The following APC variants were observed in gnomAD, a reference collection of about 807,000 sequenced individuals.
APC encodes APC regulator of Wnt signaling pathway.
In APC, 72 loss-of-function variants were observed where a neutral mutation model predicts 247.0. The ratio of observed to expected loss-of-function variants is 0.29; its 90% CI spans 0.24 to 0.35. The LOEUF (loss-of-function observed/expected upper bound fraction) is 0.35, where lower values mean the gene tolerates loss of function less well. Among genes scored for constraint, APC ranks in the 10% least tolerant of loss-of-function variants. The probability of loss-of-function intolerance (pLI) is 1.00; values close to 1 mark genes in which losing one functional copy is unlikely to be tolerated. For synonymous variants in APC, 1,254 were observed against 1,162.5 expected (o/e 1.08, Z -1.60); for missense variants, 3,400 against 3,360.7 (o/e 1.01, Z -0.29).
chr5:112,828,634 G>A (rs1763975089), intron 13 of APC, among the ~76,000 whole-genome samples: 1 of 151,978 alleles, frequency 6.6e-6, no homozygotes, highest in South Asian at 2.1e-4. Context: ...AGTTTTCATA[G>A]AGACAGGGTC....
At chr5:112,764,558 T>A (rs1756052556) in intron 2 of APC, among the ~76,000 whole-genome samples, 1 of 152,144 alleles carries the variant, frequency 6.6e-6, no homozygotes, top group African/African-American at 2.4e-5. Context: ...TACAAAATGT[T>A]AGTTCAGTTC....
At position 112,833,927 on chromosome 5, in the gene APC, A is replaced by G. The variant is rs918397; in HGVS notation, c.1744-1024A>G. Among the ~76,000 whole-genome samples the G allele has an allele frequency of 0.1, 15,653 of 152,074 alleles. 1,511 individuals are homozygous for G. The highest frequency in any genetic ancestry group is 0.25 in the African/African-American group (10,367 of 41,436). On this transcript the variant is annotated intron_variant, in intron 14 of 15. Transcript: ENST00000257430. ...ACTTCCAAGATATCTTTCCATATCT[A>G]TGTATGGTTTACAGAATTTTAAAAA...
At chr5:112,795,149 C>A (rs1760069718) in intron 7 of APC, among the ~76,000 whole-genome samples, 1 of 152,316 alleles carries the variant, frequency 6.6e-6, no homozygotes, top group South Asian at 2.1e-4. Flanking sequence ...GCCTCAGCCT[C>A]CCTAGTAGCT....
chr5:112,717,896 C>CTTTTTTTTTTTTTTTTTT (rs1751260001), intron 1 of APC, among the ~76,000 whole-genome samples: 1 of 18,530 alleles, frequency 5.4e-5, no homozygotes, highest in Non-Finnish European at 1.3e-4. Context: ...TTTTCTTTTT[C>CTTTTTTTTTTTTTTTTTT]TTTTTCTTTT....
chr5:112,727,687 T>C (rs984425804), intron 1 of APC, among the ~76,000 whole-genome samples: 1 of 152,094 alleles, frequency 6.6e-6, no homozygotes, highest in East Asian at 1.9e-4. Context: ...AAAAAGACTT[T>C]AAAAAAATCA....
At chr5:112,707,832 A>G (rs2149631161) in exon 1 of APC, 1 of 1,370,408 alleles carries the variant, frequency 7.3e-7, no homozygotes, top group Non-Finnish European at 9.6e-7. Flanking sequence ...GCAGGAGACG[A>G]AGAGCCCGGG....
chr5:112,787,194 G>A (rs190120318), intron 6 of APC, among the ~76,000 whole-genome samples: 1 of 152,182 alleles, frequency 6.6e-6, no homozygotes, highest in African/African-American at 2.4e-5. Flanking sequence ...GGCCTCAACC[G>A]TGCCTTTTAA....
At chr5:112,791,531 G>A (rs1221466571) in intron 6 of APC, among the ~76,000 whole-genome samples, 1 of 152,150 alleles carries the variant, frequency 6.6e-6, no homozygotes, top group African/African-American at 2.4e-5. Context: ...GATCTAGGTT[G>A]CGGGCTCCTT....
At chr5:112,746,466 A>G (rs1186154908) in intron 1 of APC, among the ~76,000 whole-genome samples, 1 of 152,204 alleles carries the variant, frequency 6.6e-6, no homozygotes, top group Non-Finnish European at 1.5e-5. Context: ...TAAAAATTCT[A>G]AGTGAAATAT....
At chr5:112,830,312 C>A (rs952059325) in intron 14 of APC, among the ~76,000 whole-genome samples, 1 of 150,362 alleles carries the variant, frequency 6.7e-6, no homozygotes, top group Non-Finnish European at 1.5e-5. Context: ...TGAAAAGATA[C>A]TTAATATCAT....
At position 112,844,102 on chromosome 5, in the gene APC, G is replaced by A. The variant is rs878853479; in HGVS notation, c.8508G>A (p.Gly2836=). 1.9e-6 allele frequency: 3 copies of A among 1,612,760 alleles called. No homozygotes were observed. The highest frequency in any genetic ancestry group is 3.3e-5 in the Admixed American group (2 of 59,766). Residue 2836 remains glycine, a synonymous_variant, in exon 16 of 16, where the codon GGG becomes GGA. Transcript: ENST00000257430. ...SGTQSPKRHS[G]SYLVTSV is the part of the protein sequence containing the mutation. ...CCCAAAGTCCTAAGCGCCATTCTGG[G>A]TCTTACCTTGTGACATCTGTTTAAA... is the stretch of plus-strand genomic sequence containing the variant.
chr5:112,827,855 A>G (rs1763859431), intron 12 of APC, 74 bp from the exon 13 acceptor site: 1 of 1,239,062 alleles, frequency 8.1e-7, no homozygotes, highest in Admixed American at 1.8e-5. Flanking sequence ...TGAATTAGAC[A>G]TTTAGTAGCC....
In APC at chr5:112,843,152, G is replaced by A. The variant is rs746138566; in HGVS notation, c.7558G>A (p.Gly2520Arg). The change falls in exon 16 of 16, where the codon GGA (glycine) becomes AGA (arginine). Residue 2520 changes from glycine to arginine, a missense_variant. By Grantham distance (125) the Gly-to-Arg change is moderately radical (BLOSUM62 -2). This residue lies in a region of APC where 1,788 missense variants were observed against 1,649.5 expected (regional missense o/e 1.08). Coordinates refer to ENST00000257430, the MANE Select transcript of APC (RefSeq NM_000038.6). The surrounding 1 kb of genome is among the most constrained non-coding windows in gnomAD (Gnocchi z 4.8). The stretch of plus-strand genomic sequence containing the variant: ...CAGTCCCACTATAGAGTATAATGAT[G>A]GAAGACCAGCAAAGCGCCATGATAT... Reference protein sequence around the residue: ...NLSPTIEYNDGRPAKRHDIAR... With the variant: ...NLSPTIEYNDRRPAKRHDIAR... 5.0e-6 allele frequency: 8 copies of A among 1,613,686 alleles called. No homozygotes were observed. Among genetic ancestry groups the A allele is most frequent in the African/African-American group, 1.3e-5 (1 of 74,884 alleles).
rs879253784 is a variant in APC at position 112,707,526 on chromosome 5, A to G, written c.-192A>G. 2 of 479,376 alleles carry G rather than the reference A, an allele frequency of 4.2e-6. No homozygotes were observed. The highest frequency in any genetic ancestry group is 3.8e-6 in the Non-Finnish European group (1 of 266,474). The allele number at this position is 479,376 out of a possible 1,614,324, so 29.7% of individuals were successfully genotyped here. On this transcript the variant is annotated 5_prime_UTR_variant, in exon 1 of 14. Transcript: ENST00000507379. ...TTGTAGTCTTCCCACCTCCCACAAG[A>G]TGGCGGAGGGCAAGTAGCAAGGGGG...
Position 112,767,341 on chromosome 5 carries a change from AATGGAAGCAGAGAAAGT to A in APC, c.375_391del (p.Gly126TrpfsTer7). The A allele has an allele frequency of 6.2e-7, 1 of 1,614,144 alleles. No individual in the cohort carries two copies. The highest frequency in any genetic ancestry group is 8.5e-7 in the Non-Finnish European group (1 of 1,180,008). On this transcript the variant is annotated frameshift_variant, in exon 4 of 16. Transcript: ENST00000257430. LOFTEE classifies it high-confidence loss of function. ...TTCATTTCCAAGAAGAGGGTTTGTAAATGGAAGCAGAGAAAGTACTGGATATTTAGAAGAACTTGAGA... is the reference window on the plus strand; with the variant it reads ...TTCATTTCCAAGAAGAGGGTTTGTAAACTGGATATTTAGAAGAACTTGAGA...
chr5:112,842,544 T>C lies in APC; in HGVS notation c.6950T>C (p.Leu2317Ser), dbSNP rs560565848. The C allele has an allele frequency of 3.1e-6, 5 of 1,614,008 alleles. No individual in the cohort carries two copies. The South Asian group carries it at 5.5e-5, about 18-fold the overall frequency. Residue 2317 changes from leucine to serine, a missense_variant, in exon 16 of 16, where the codon TTA becomes TCA. Physicochemically the swap from Leu to Ser is moderately radical, Grantham distance 145. This residue lies in a region of APC where 1,788 missense variants were observed against 1,649.5 expected (regional missense o/e 1.08). Coordinates refer to ENST00000257430, the MANE Select transcript of APC (RefSeq NM_000038.6). ...CCTTCAAGACCTGCCCAGCAACCATTAAGTAGACCTATACAGTCTCCTGGC... is the reference window on the plus strand; with the variant it reads ...CCTTCAAGACCTGCCCAGCAACCATCAAGTAGACCTATACAGTCTCCTGGC... ...STPSRPAQQP[L>S]SRPIQSPGRN...
chr5:112,712,823 T>C (rs1236418730), intron 1 of APC, among the ~76,000 whole-genome samples: 9 of 152,212 alleles, frequency 5.9e-5, no homozygotes, highest in South Asian at 2.1e-4. Flanking sequence ...ATCTTGAATA[T>C]ATCTTGTTTA....
At chr5:112,796,155 A>G (rs969877023) in intron 7 of APC, among the ~76,000 whole-genome samples, 1 of 152,260 alleles carries the variant, frequency 6.6e-6, no homozygotes, top group Non-Finnish European at 1.5e-5. Context: ...GAAGGTGATT[A>G]TAGTATACCA....
chr5:112,789,527 TGTA>T (rs1478926976), intron 6 of APC, among the ~76,000 whole-genome samples: 1 of 152,180 alleles, frequency 6.6e-6, no homozygotes, highest in Non-Finnish European at 1.5e-5. Context: ...AATATGGAAA[TGTA>T]GTGTAAAACG....
Sources: gnomAD v4.1 joint callset for allele counts (sites outside exome capture counted in the v4.1 genomes callset) on GRCh38, gnomAD v4.1.1 for gene constraint, gnomAD v4.1.1 regional missense constraint, Gnocchi (gnomAD v3.1) non-coding constraint, MANE v1.5 for transcripts, NCBI Gene and HGNC (gene_info 2026-07-23, HGNC 2026-07-21) for gene names.